The following SORCS2 variants were observed in gnomAD, a reference collection of about 807,000 sequenced individuals.
The protein encoded by SORCS2 is sortilin related VPS10 domain containing receptor 2.
In SORCS2, 100 loss-of-function variants were observed where a neutral mutation model predicts 141.6. That is an observed-to-expected ratio of 0.71 (90% confidence interval 0.60 to 0.83). The LOEUF is 0.83. SORCS2 is among the 40% of genes least tolerant of loss of function. SORCS2 has a pLI of 0.00. For synonymous variants in SORCS2, 789 were observed against 676.9 expected (o/e 1.17, Z -2.57); for missense variants, 1,646 against 1,560.2 (o/e 1.05, Z -0.93).
At position 7,369,954 on chromosome 4, in the gene SORCS2, G is replaced by A. The variant is rs771403904; in HGVS notation, c.481-26334G>A. On this transcript the variant is annotated intron_variant, in intron 1 of 26. Coordinates refer to ENST00000507866, the MANE Select transcript of SORCS2 (RefSeq NM_020777.3). ...TTCTGGAAGGCAGGAAATAGGAGCTGTGTGACCTTGGGTAGGTTATTCTCC... is the reference window on the plus strand; with the variant it reads ...TTCTGGAAGGCAGGAAATAGGAGCTATGTGACCTTGGGTAGGTTATTCTCC... 4.6e-5 allele frequency among the ~76,000 whole-genome samples: 7 copies of A among 152,358 alleles called. No homozygotes were observed. The South Asian group carries it at 1.4e-3, about 32-fold the overall frequency.
At chr4:7,420,174 G>A (rs913702211) in intron 2 of SORCS2, among the ~76,000 whole-genome samples, 1 of 152,228 alleles carries the variant, frequency 6.6e-6, no homozygotes, top group Non-Finnish European at 1.5e-5. Context: ...ATGTGCCTGG[G>A]GGGCAAGGAT....
Position 7,623,770 on chromosome 4 carries a change from C to T in SORCS2, c.649-14558C>T, listed in dbSNP as rs142083161. Among the ~76,000 whole-genome samples, 709 of 152,304 alleles carry T rather than the reference C, an allele frequency of 4.7e-3. 8 individuals carry two copies. Among genetic ancestry groups the T allele is most frequent in the African/African-American group, 0.016 (680 of 41,560 alleles). On this transcript the variant is annotated intron_variant, in intron 3 of 26. Coordinates refer to ENST00000507866, the MANE Select transcript of SORCS2 (RefSeq NM_020777.3). ...CACGGCTGCCGCTTATGCGCTTTGTCGGTCTTTGCCTGTTCACTAGACTGT... is the reference window on the plus strand; with the variant it reads ...CACGGCTGCCGCTTATGCGCTTTGTTGGTCTTTGCCTGTTCACTAGACTGT...
chr4:7,478,189 C>G (rs138140509), intron 2 of SORCS2, among the ~76,000 whole-genome samples: 1 of 152,106 alleles, frequency 6.6e-6, no homozygotes, highest in Non-Finnish European at 1.5e-5. Flanking sequence ...AAAGGCCGGG[C>G]GTGTAGGGTG....
chr4:7,666,044 T>C (rs1722482563), intron 7 of SORCS2, among the ~76,000 whole-genome samples: 1 of 151,938 alleles, frequency 6.6e-6, no homozygotes, highest in South Asian at 2.1e-4. Flanking sequence ...TGACTCTGGA[T>C]TGAGGGATGT....
At chr4:7,631,915 A>G (rs780382337) in intron 3 of SORCS2, among the ~76,000 whole-genome samples, 1 of 152,212 alleles carries the variant, frequency 6.6e-6, no homozygotes, top group Non-Finnish European at 1.5e-5. Flanking sequence ...AGCCTGTTGC[A>G]TCAGGACCCC....
At chr4:7,313,235 A>C (rs3892041) in intron 1 of SORCS2, among the ~76,000 whole-genome samples, 91,392 of 152,216 alleles carry the variant, frequency 0.6, 27,588 homozygotes, top group South Asian at 0.77. Flanking sequence ...GGATTTAGCT[A>C]AACGTGCGCT....
intron 1 of SORCS2, among the ~76,000 whole-genome samples, chr4:7,243,665 C>T (rs900433745): frequency 6.6e-6 from 1 of 152,254 alleles, no homozygotes; most frequent in Non-Finnish European, 1.5e-5. Flanking sequence ...TCTCAGAAGG[C>T]CAGCGGGTGG....
At chr4:7,653,329 C>T (rs1223187440) in intron 4 of SORCS2, among the ~76,000 whole-genome samples, 4 of 152,158 alleles carry the variant, frequency 2.6e-5, no homozygotes, top group Admixed American at 1.3e-4. Flanking sequence ...CTGCAACCTC[C>T]GCCTCCTGGG....
intron 2 of SORCS2, chr4:7,433,492 C>T (rs760567963): frequency 1.9e-6 from 3 of 1,593,644 alleles, no homozygotes; most frequent in African/African-American, 1.3e-5. Flanking sequence ...CACCTTCTTG[C>T]ACACAGCCAC....
At chr4:7,425,747 G>A (rs1338184043) in intron 2 of SORCS2, among the ~76,000 whole-genome samples, 1 of 152,216 alleles carries the variant, frequency 6.6e-6, no homozygotes, top group Non-Finnish European at 1.5e-5. Context: ...CAGCATTTAG[G>A]AATTGCGAGT....
chr4:7,655,387 C>G (rs977693883), intron 5 of SORCS2, among the ~76,000 whole-genome samples: 2 of 152,196 alleles, frequency 1.3e-5, no homozygotes, highest in Admixed American at 6.5e-5. Flanking sequence ...GGCTATCAGC[C>G]CTACACACAC....
At chr4:7,650,349 G>A (rs78702682) in intron 4 of SORCS2, among the ~76,000 whole-genome samples, 4,646 of 152,272 alleles carry the variant, frequency 0.031, 79 homozygotes, top group African/African-American at 0.036. Flanking sequence ...GTTATCAGGC[G>A]GTGATCGCGA....
chr4:7,463,898 C>T (rs1002843099), intron 2 of SORCS2, among the ~76,000 whole-genome samples: 3 of 152,150 alleles, frequency 2.0e-5, no homozygotes, highest in Non-Finnish European at 2.9e-5. Context: ...TGGGGAGGTG[C>T]GGAGGCTGGT....
chr4:7,453,699 A>T (rs926986485), intron 2 of SORCS2, among the ~76,000 whole-genome samples: 8 of 69,386 alleles, frequency 1.2e-4, no homozygotes, highest in East Asian at 9.7e-4. Context: ...GGGGTCAGGC[A>T]CTGTGTTGGG....
In SORCS2 at chr4:7,268,018, G is replaced by C. The variant is rs182939651; in HGVS notation, c.480+74892G>C. ...CGGAAGATGCAGGCCCGCTGGTGCC[G>C]GCTGTGTGGGGTTTGGGGTTTGTGG... On this transcript the variant is annotated intron_variant, in intron 1 of 26. Transcript: ENST00000507866. Among the ~76,000 whole-genome samples the C allele has an allele frequency of 2.6e-3, 393 of 152,320 alleles. 2 individuals carry two copies. The highest frequency in any genetic ancestry group is 9.1e-3 in the African/African-American group (377 of 41,570).
chr4:7,440,256 G>C (rs4234807), intron 2 of SORCS2, among the ~76,000 whole-genome samples: 1 of 151,756 alleles, frequency 6.6e-6, no homozygotes, highest in African/African-American at 2.4e-5. Flanking sequence ...GTCTGGGACC[G>C]GGGAGGAGGG....
chr4:7,381,952 C>T lies in SORCS2; in HGVS notation c.481-14336C>T, dbSNP rs970747300. ...ACCAAGCTCTCCATTCCACTAGCCT[C>T]TCTGGGCCAGGCCTGTGGAGTCTCC... On this transcript the variant is annotated intron_variant, in intron 1 of 26. Coordinates refer to ENST00000507866, the MANE Select transcript of SORCS2 (RefSeq NM_020777.3). 1.3e-5 allele frequency: 13 copies of T among 985,996 alleles called. No individual in the cohort carries two copies. The African/African-American group carries it at 2.3e-4, about 17-fold the overall frequency. 61.1% of individuals were successfully genotyped at this position (985,996 alleles called of 1,614,324 possible).
chr4:7,418,705 C>T (rs200373557), intron 2 of SORCS2, among the ~76,000 whole-genome samples: 1 of 103,274 alleles, frequency 9.7e-6, no homozygotes, highest in Non-Finnish European at 2.1e-5. Flanking sequence ...ACAAATGACC[C>T]CCCCCCCCAC....
At chr4:7,204,847 C>T (rs1034946973) in intron 1 of SORCS2, among the ~76,000 whole-genome samples, 1 of 152,198 alleles carries the variant, frequency 6.6e-6, no homozygotes, top group Non-Finnish European at 1.5e-5. Flanking sequence ...TCTGGTGCTG[C>T]GCCAAGGGTG....
Sources: allele counts gnomAD v4.1 joint callset (sites outside exome capture counted in the v4.1 genomes callset), GRCh38; gene constraint gnomAD v4.1.1; transcripts MANE v1.5; gene names NCBI Gene and HGNC (gene_info 2026-07-23, HGNC 2026-07-21).